Variants in ITPR2 observed in about 807,000 individuals in gnomAD.
The protein encoded by ITPR2 is inositol 1,4,5-trisphosphate-gated calcium channel ITPR2.
ITPR2 carries 207 observed loss-of-function variants against 317.1 expected under a neutral mutation model. The ratio of observed to expected loss-of-function variants is 0.65; its 90% confidence interval spans 0.58 to 0.73. The LOEUF (loss-of-function observed/expected upper bound fraction) is 0.73, where lower values mean the gene tolerates loss of function less well. Among genes scored for constraint, ITPR2 ranks in the 30% least tolerant of loss-of-function variants. The pLI is 0.00. For synonymous variants in ITPR2, 1,156 were observed against 1,149.1 expected, an observed-to-expected ratio of 1.01 and a Z score of -0.12; for missense variants, 2,613 against 3,284.0, an observed-to-expected ratio of 0.80 and a Z score of 4.99.
intron 55 of ITPR2, among the ~76,000 whole-genome samples, chr12:26,359,600 G>A (rs1938758736): frequency 7.4e-6 from 1 of 135,102 alleles, no homozygotes; most frequent in African/African-American, 2.5e-5. Flanking sequence ...TTCTCTTGTG[G>A]GGAAAAAAAA....
intron 2 of ITPR2, among the ~76,000 whole-genome samples, chr12:26,776,050 T>G (rs1304486724): frequency 6.6e-6 from 1 of 150,924 alleles, no homozygotes; most frequent in East Asian, 1.9e-4. Context: ...AAGGATGGAG[T>G]TCTTTCTTTG....
chr12:26,599,878 GA>G (rs1162833544), intron 29 of ITPR2, 108 bp downstream of exon 29: 447 of 762,874 alleles, frequency 5.9e-4, no homozygotes, highest in Middle Eastern at 1.6e-3. Flanking sequence ...TTTCCACAAG[GA>G]AAAAAAAATG....
chr12:26,563,639 C>T (rs1591903993), intron 34 of ITPR2, among the ~76,000 whole-genome samples: 2 of 152,162 alleles, frequency 1.3e-5, no homozygotes, highest in Admixed American at 1.3e-4. Flanking sequence ...AACTCCTGCG[C>T]AAAGCCCTCC....
At chr12:26,491,482 C>CAAAAAAAA (rs57612774) in intron 39 of ITPR2, among the ~76,000 whole-genome samples, 15 of 57,854 alleles carry the variant, frequency 2.6e-4, no homozygotes, top group African/African-American at 1.1e-3. Context: ...GACTCCATCT[C>CAAAAAAAA]AAAAAAAAAA....
chr12:26,775,864 G>C (rs1045454443), intron 2 of ITPR2, among the ~76,000 whole-genome samples: 3 of 144,866 alleles, frequency 2.1e-5, no homozygotes, highest in Non-Finnish European at 4.6e-5. Flanking sequence ...TTGCTCCTCA[G>C]CTTGCTGATG....
At chr12:26,515,481 T>C (rs1446984515) in intron 37 of ITPR2, among the ~76,000 whole-genome samples, 1 of 152,114 alleles carries the variant, frequency 6.6e-6, no homozygotes, top group Non-Finnish European at 1.5e-5. Context: ...GGCTAATGAA[T>C]TTAGTATCAT....
intron 55 of ITPR2, among the ~76,000 whole-genome samples, chr12:26,360,229 G>A (rs1054445434): frequency 2.0e-5 from 3 of 152,132 alleles, no homozygotes; most frequent in Non-Finnish European, 4.4e-5. Flanking sequence ...GCCCTTCCTT[G>A]TTTTACTAAA....
chr12:26,521,376 T>C (rs1591853091), intron 37 of ITPR2, among the ~76,000 whole-genome samples: 1 of 152,314 alleles, frequency 6.6e-6, no homozygotes, highest in South Asian at 2.1e-4. Context: ...CTGTCAATCA[T>C]ATACTTGGTA....
chr12:26,376,159 T>A (rs537494337), intron 55 of ITPR2, among the ~76,000 whole-genome samples: 31 of 152,352 alleles, frequency 2.0e-4, no homozygotes, highest in Non-Finnish European at 4.0e-4. Context: ...AGATTTCTCA[T>A]CCGAATTACA....
chr12:26,682,733 C>T, intron 11 of ITPR2, 60 bp from the exon 12 acceptor site: 1 of 934,278 alleles, frequency 1.1e-6, no homozygotes, highest in South Asian at 1.4e-5. Context: ...TACATATTAA[C>T]ATCTTTAACA....
At chr12:26,661,273 TG>T (rs1565673575) in intron 15 of ITPR2, among the ~76,000 whole-genome samples, 79 of 14,294 alleles carry the variant, frequency 5.5e-3, no homozygotes, top group African/African-American at 0.012. Flanking sequence ...GGGGTGTGTG[TG>T]TGGGGGGGGG....
At chr12:26,435,143 T>C (rs1941320496) in intron 48 of ITPR2, among the ~76,000 whole-genome samples, 1 of 152,196 alleles carries the variant, frequency 6.6e-6, no homozygotes, top group African/African-American at 2.4e-5. Context: ...ATATCTATGT[T>C]ACCTGTAATG....
chr12:26,401,425 T>G (rs114465427), intron 52 of ITPR2, among the ~76,000 whole-genome samples: 2,421 of 152,152 alleles, frequency 0.016, 58 homozygotes, highest in African/African-American at 0.053. Context: ...TATTTAGGGA[T>G]AAAGGAGGAA....
At chr12:26,701,500 G>C (rs781236941) in intron 9 of ITPR2, among the ~76,000 whole-genome samples, 1 of 152,096 alleles carries the variant, frequency 6.6e-6, no homozygotes, top group Non-Finnish European at 1.5e-5. Context: ...CCTTTACTGG[G>C]TGTATATGTG....
intron 37 of ITPR2, among the ~76,000 whole-genome samples, chr12:26,545,208 A>T (rs1944364878): frequency 6.6e-6 from 1 of 152,180 alleles, no homozygotes; most frequent in Non-Finnish European, 1.5e-5. Context: ...AGAACCTGTA[A>T]ACATGTTACC....
intron 54 of ITPR2, among the ~76,000 whole-genome samples, chr12:26,391,828 G>C (rs566730761): frequency 6.6e-6 from 1 of 151,870 alleles, no homozygotes; most frequent in African/African-American, 2.4e-5. Flanking sequence ...GCCTCCCAAA[G>C]TTGCTGAGAT....
chr12:26,451,531 A>G (rs1941742677), intron 45 of ITPR2, among the ~76,000 whole-genome samples: 1 of 152,158 alleles, frequency 6.6e-6, no homozygotes, highest in Non-Finnish European at 1.5e-5. Flanking sequence ...ATTGTAAGTT[A>G]TATTTATCTA....
intron 21 of ITPR2, among the ~76,000 whole-genome samples, chr12:26,642,980 T>C (rs1947028347): frequency 6.6e-6 from 1 of 152,172 alleles, no homozygotes; most frequent in African/African-American, 2.4e-5. Context: ...AGATACTCTC[T>C]CCCAAGGTGA....
intron 54 of ITPR2, among the ~76,000 whole-genome samples, chr12:26,392,771 T>G (rs1386708271): frequency 2.0e-5 from 3 of 152,218 alleles, no homozygotes; most frequent in Non-Finnish European, 4.4e-5. Context: ...GATACTTGAA[T>G]GACTGAGTTT....
Sources: gnomAD v4.1 joint callset for allele counts (sites outside exome capture counted in the v4.1 genomes callset) on GRCh38, gnomAD v4.1.1 for gene constraint, MANE v1.5 for transcripts, NCBI Gene and HGNC (gene_info 2026-07-23, HGNC 2026-07-21) for gene names.